Variants in ARHGAP12 observed in about 807,000 individuals in gnomAD.
ARHGAP12 encodes Rho GTPase activating protein 12, also known as rho GTPase-activating protein 12.
In ARHGAP12, 64 loss-of-function variants were observed where a neutral mutation model predicts 108.6. That is an observed-to-expected ratio of 0.59 (90% CI 0.48 to 0.73). The LOEUF is 0.73. Ranked by LOEUF, ARHGAP12 falls within the 30% of genes least tolerant of loss-of-function variation. The pLI, the probability that ARHGAP12 is intolerant of heterozygous loss-of-function variation, is 0.00. For synonymous variants in ARHGAP12, 312 were observed against 337.2 expected (o/e 0.93, Z 0.82); for missense variants, 940 against 1,005.9 (o/e 0.93, Z 0.89).
intron 1 of ARHGAP12, among the ~76,000 whole-genome samples, chr10:31,921,519 AC>A (rs967451764): frequency 6.6e-6 from 1 of 151,988 alleles, no homozygotes; most frequent in African/African-American, 2.4e-5. Context: ...TAATCCCAGC[AC>A]TTTGGGAGGC....
intron 3 of ARHGAP12, among the ~76,000 whole-genome samples, chr10:31,882,939 T>G (rs755697813): frequency 6.6e-6 from 1 of 150,968 alleles, no homozygotes; most frequent in Non-Finnish European, 1.5e-5. Context: ...CTAAGGAAAA[T>G]TCAATGGGGC....
rs1036646973 is a variant in ARHGAP12, at chr10:31,928,775, G to C, written c.-203C>G. ...CGCGAGCCCGAAGAGCGTTCACACGGCTACGGCCGCGGCCGGCCCGTCCCC... is the reference window on the plus strand; with the variant it reads ...CGCGAGCCCGAAGAGCGTTCACACGCCTACGGCCGCGGCCGGCCCGTCCCC... On this transcript the variant is annotated 5_prime_UTR_variant, in exon 1 of 20. Coordinates refer to ENST00000344936, the MANE Select transcript of ARHGAP12 (RefSeq NM_018287.7). The C allele has an allele frequency of 6.6e-6, 1 of 151,850 alleles. No individual in the cohort carries two copies. The highest frequency in any genetic ancestry group is 1.5e-5 in the Non-Finnish European group (1 of 67,960). 9.4% of individuals were successfully genotyped at this position (151,850 alleles called of 1,614,324 possible).
At chr10:31,854,350 A>T (rs560960264) in intron 4 of ARHGAP12, 144 bp from the exon 5 acceptor site, 1 of 794,926 alleles carries the variant, frequency 1.3e-6, no homozygotes, top group Non-Finnish European at 1.9e-6. Flanking sequence ...AAATAAATTG[A>T]TAAGTCTTTA....
chr10:31,883,604 G>A (rs1473300070), intron 3 of ARHGAP12, among the ~76,000 whole-genome samples: 1 of 152,016 alleles, frequency 6.6e-6, no homozygotes, highest in African/African-American at 2.4e-5. Context: ...GGAGACATAA[G>A]TCTCACTTCT....
chr10:31,900,498 G>A (rs1035388421), intron 3 of ARHGAP12, among the ~76,000 whole-genome samples: 8 of 152,140 alleles, frequency 5.3e-5, no homozygotes, highest in Admixed American at 1.3e-4. Context: ...AGATCCATAC[G>A]ATTAGATTAT....
chr10:31,867,739 C>T (rs1837380743), intron 3 of ARHGAP12, among the ~76,000 whole-genome samples: 1 of 151,926 alleles, frequency 6.6e-6, no homozygotes, highest in Non-Finnish European at 1.5e-5. Context: ...CCTAAAGACA[C>T]AAAAATCCCT....
Position 31,858,388 on chromosome 10 carries a change from A to C in ARHGAP12, c.948+3007T>G, listed in dbSNP as rs756755016. On this transcript the variant is annotated intron_variant, in intron 4 of 19. Coordinates refer to ENST00000344936, the MANE Select transcript of ARHGAP12 (RefSeq NM_018287.7). ...TCCTATATGGCTTCAAGGAACAAGA[A>C]GACAGTGATTAACTTTACACTATGC... 4.6e-5 allele frequency among the ~76,000 whole-genome samples: 7 copies of C among 152,156 alleles called. No individual in the cohort carries two copies. In the South Asian group the frequency reaches 1.0e-3, roughly 22 times the overall value.
intron 6 of ARHGAP12, among the ~76,000 whole-genome samples, chr10:31,846,041 T>C (rs1320707204): frequency 6.6e-6 from 1 of 152,206 alleles, no homozygotes; most frequent in Non-Finnish European, 1.5e-5. Flanking sequence ...CTTGAGCCTC[T>C]CGTTATACTT....
intron 7 of ARHGAP12, among the ~76,000 whole-genome samples, chr10:31,841,315 C>A (rs1218303357): frequency 6.6e-6 from 1 of 152,036 alleles, no homozygotes; most frequent in Non-Finnish European, 1.5e-5. Context: ...TATCTGTAAA[C>A]TGAATTAGGA....
At chr10:31,850,643 A>C (rs1836639394) in intron 6 of ARHGAP12, among the ~76,000 whole-genome samples, 1 of 152,220 alleles carries the variant, frequency 6.6e-6, no homozygotes, top group Non-Finnish European at 1.5e-5. Context: ...AGTTGGTAAC[A>C]GTCGTACTAA....
At chr10:31,887,639 T>C (rs929881622) in intron 3 of ARHGAP12, among the ~76,000 whole-genome samples, 1 of 150,846 alleles carries the variant, frequency 6.6e-6, no homozygotes, top group African/African-American at 2.4e-5. Flanking sequence ...GAGTATCATT[T>C]TGCCCTTCCT....
At chr10:31,808,046 A>T (rs560191341) in intron 19 of ARHGAP12, among the ~76,000 whole-genome samples, 4 of 152,222 alleles carry the variant, frequency 2.6e-5, no homozygotes, top group Non-Finnish European at 5.9e-5. Context: ...ACAATTAAGC[A>T]TACTCTAACA....
chr10:31,910,385 CTA>C (rs1234062496), intron 2 of ARHGAP12, 138 bp downstream of exon 2: 3 of 152,180 alleles, frequency 2.0e-5, no homozygotes, highest in Non-Finnish European at 2.9e-5. Context: ...ACAATCTTCT[CTA>C]TGACAGATAA....
intron 10 of ARHGAP12, among the ~76,000 whole-genome samples, chr10:31,827,651 C>T (rs1225043975): frequency 2.0e-5 from 3 of 152,020 alleles, no homozygotes; most frequent in Non-Finnish European, 2.9e-5. Flanking sequence ...ATTAGCCAGG[C>T]GTGGTGGCGG....
chr10:31,809,529 G>C (rs906272421), intron 16 of ARHGAP12: 2 of 496,802 alleles, frequency 4.0e-6, no homozygotes, highest in African/African-American at 3.9e-5. Context: ...ATTCTACTCT[G>C]CTCATCATAT....
At chr10:31,846,103 G>T (rs1046132945) in intron 6 of ARHGAP12, among the ~76,000 whole-genome samples, 3 of 149,840 alleles carry the variant, frequency 2.0e-5, no homozygotes, top group African/African-American at 7.4e-5. Context: ...CAGTCTACTA[G>T]TATCAACATT....
At chr10:31,913,712 T>TGAGGAAGAA in intron 1 of ARHGAP12, 1 of 132,390 alleles carries the variant, frequency 7.6e-6, no homozygotes, top group South Asian at 2.5e-4. Flanking sequence ...ATGAAGAGAA[T>TGAGGAAGAA]GAGGAAGAAG....
intron 14 of ARHGAP12, among the ~76,000 whole-genome samples, chr10:31,813,151 T>C (rs1455985731): frequency 1.3e-5 from 2 of 152,162 alleles, no homozygotes; most frequent in South Asian, 2.1e-4. Context: ...CTTATCTTTA[T>C]TGATTCTCCA....
At chr10:31,838,600 T>A (rs1025985985) in intron 9 of ARHGAP12, among the ~76,000 whole-genome samples, 1 of 151,466 alleles carries the variant, frequency 6.6e-6, no homozygotes, top group Admixed American at 6.6e-5. Flanking sequence ...GGGGCCAGGG[T>A]GGGTGGATCA....
Sources: allele counts gnomAD v4.1 joint callset (sites outside exome capture counted in the v4.1 genomes callset), GRCh38; gene constraint gnomAD v4.1.1; transcripts MANE v1.5; gene names NCBI Gene and HGNC (gene_info 2026-07-23, HGNC 2026-07-21).